Variants in ADAMTSL1 observed in about 807,000 individuals in gnomAD.
The protein encoded by ADAMTSL1 is ADAMTS-like protein 1.
Under a neutral mutation model 201.8 loss-of-function variants are expected in ADAMTSL1, and 126 were observed. The ratio of observed to expected loss-of-function variants is 0.62; its 90% CI spans 0.54 to 0.72. The LOEUF is 0.72. Ranked by LOEUF, ADAMTSL1 falls within the 30% of genes least tolerant of loss-of-function variation. The pLI is 0.00. For missense variants in ADAMTSL1, 2,679 were observed against 2,277.8 expected, an observed-to-expected ratio of 1.18 and a Z score of -3.59; for synonymous variants, 1,121 against 903.4, an observed-to-expected ratio of 1.24 and a Z score of -4.32.
At chr9:18,223,683 T>C (rs1652275776) in intron 2 of ADAMTSL1, among the ~76,000 whole-genome samples, 1 of 152,138 alleles carries the variant, frequency 6.6e-6, no homozygotes, top group African/African-American at 2.4e-5. Flanking sequence ...TGAACTATAT[T>C]AAATATATCT....
chr9:18,603,348 ATGCTAT>A (rs1264614929), intron 4 of ADAMTSL1, among the ~76,000 whole-genome samples: 3 of 49,466 alleles, frequency 6.1e-5, no homozygotes, highest in Non-Finnish European at 1.6e-4. Context: ...GCTATATGCT[ATGCTAT>A]GCTATGCTAT....
At chr9:18,721,696 A>G in intron 15 of ADAMTSL1, 31 bp downstream of exon 15, 3 of 1,611,140 alleles carry the variant, frequency 1.9e-6, no homozygotes, top group South Asian at 1.1e-5. Context: ...CCTGCTGTCC[A>G]GGGGCACGTA....
At chr9:18,276,773 C>G (rs1328204592) in intron 2 of ADAMTSL1, among the ~76,000 whole-genome samples, 3 of 152,128 alleles carry the variant, frequency 2.0e-5, no homozygotes, top group African/African-American at 7.2e-5. Flanking sequence ...CTGGCATGAA[C>G]TAATAAAGTG....
At chr9:18,557,606 A>G (rs779319448) in intron 3 of ADAMTSL1, among the ~76,000 whole-genome samples, 5 of 152,038 alleles carry the variant, frequency 3.3e-5, no homozygotes, top group Non-Finnish European at 7.4e-5. Flanking sequence ...GACAACCAAA[A>G]AGAAGTTAAG....
Position 17,957,189 on chromosome 9 carries a change from G to C in ADAMTSL1, c.87+50267G>C, listed in dbSNP as rs540484906. 1.3e-5 allele frequency among the ~76,000 whole-genome samples: 2 copies of C among 152,248 alleles called. 1 individual carries two copies. Among genetic ancestry groups the C allele is most frequent in the South Asian group, 4.1e-4 (2 of 4,820 alleles). On this transcript the variant is annotated intron_variant, in intron 1 of 29. Transcript: ENST00000680146. Reference sequence around the variant, plus strand: ...AACTTATTTTAAAGATCAATAAAATGTTCTAAAAGAACTCACAAACCCACG... The same window carrying C: ...AACTTATTTTAAAGATCAATAAAATCTTCTAAAAGAACTCACAAACCCACG...
chr9:18,343,202 G>A (rs1487654124), intron 2 of ADAMTSL1, among the ~76,000 whole-genome samples: 1 of 152,020 alleles, frequency 6.6e-6, no homozygotes. Flanking sequence ...CATCAACTGA[G>A]TGGTTAGTTT....
intron 28 of ADAMTSL1, 132 bp downstream of exon 28, chr9:18,907,044 G>C: frequency 1.0e-6 from 1 of 968,784 alleles, no homozygotes. Flanking sequence ...TGGTGGTGGA[G>C]TTGAGCATTT....
At chr9:18,572,318 A>G (rs1822377956) in intron 3 of ADAMTSL1, among the ~76,000 whole-genome samples, 1 of 152,182 alleles carries the variant, frequency 6.6e-6, no homozygotes, top group Non-Finnish European at 1.5e-5. Context: ...TACAAAATAA[A>G]CGTGTAAACA....
intron 1 of ADAMTSL1, among the ~76,000 whole-genome samples, chr9:17,931,615 T>C (rs550409094): frequency 1.3e-5 from 2 of 152,182 alleles, no homozygotes; most frequent in Non-Finnish European, 2.9e-5. Flanking sequence ...GTCTTTTTTT[T>C]CCTTTTGCAT....
chr9:18,184,123 T>C (rs1323324840), intron 2 of ADAMTSL1, among the ~76,000 whole-genome samples: 2 of 152,196 alleles, frequency 1.3e-5, no homozygotes, highest in African/African-American at 4.8e-5. Flanking sequence ...TCATTTTCTT[T>C]GAATGGATTC....
At chr9:18,528,863 C>T (rs1049409709) in intron 2 of ADAMTSL1, among the ~76,000 whole-genome samples, 6 of 152,012 alleles carry the variant, frequency 3.9e-5, no homozygotes, top group Non-Finnish European at 8.8e-5. Flanking sequence ...TATAGCTTTT[C>T]TCAGACGTCA....
rs541493091 is a variant in ADAMTSL1, at chr9:18,197,307, A to G, written c.207+33326A>G. On this transcript the variant is annotated intron_variant, in intron 2 of 29. Coordinates refer to the ADAMTSL1 transcript ENST00000680146. ...TTCACAAGACTGATTCTTCCAACCC[A>G]TGAGCATGGAATGTTCTTCCATTTG... 1.0e-3 allele frequency among the ~76,000 whole-genome samples: 152 copies of G among 152,220 alleles called. 1 individual carries two copies. The highest frequency in any genetic ancestry group is 3.3e-3 in the African/African-American group (139 of 41,548).
intron 2 of ADAMTSL1, among the ~76,000 whole-genome samples, chr9:18,454,060 G>A (rs527708158): frequency 8.5e-5 from 13 of 152,280 alleles, no homozygotes; most frequent in Non-Finnish European, 1.6e-4. Context: ...AGGGGAATTG[G>A]CTCATGTGAT....
At chr9:18,850,564 G>C (rs1826429693) in intron 23 of ADAMTSL1, among the ~76,000 whole-genome samples, 1 of 152,222 alleles carries the variant, frequency 6.6e-6, no homozygotes. Context: ...GTAGGAGACA[G>C]AGGACAGGGC....
chr9:18,908,681 C>T lies in ADAMTSL1; in HGVS notation c.*133C>T. 1.5e-6 allele frequency: 1 copy of T among 651,862 alleles called. No individual in the cohort carries two copies. The highest frequency in any genetic ancestry group is 2.6e-6 in the Non-Finnish European group (1 of 382,632). 40.4% of individuals were successfully genotyped at this position (651,862 alleles called of 1,614,324 possible). A position where few individuals can be genotyped will look rare whatever the true frequency, so the allele number is the denominator to read the frequency against. On this transcript the variant is annotated 3_prime_UTR_variant, in exon 29 of 29. Coordinates refer to ENST00000380548, the MANE Select transcript of ADAMTSL1 (RefSeq NM_001040272.6). The stretch of plus-strand genomic sequence containing the variant: ...CACTCCACACACACCCTTCCAACCT[C>T]CTCCACCTCCACCTTCAAGCATAAG...
At position 18,074,471 on chromosome 9, in the gene ADAMTSL1, G is replaced by GTTTTCTTTTCTTTTCTTTTCTTTTC. The variant is rs66552520; in HGVS notation, c.88-89373_88-89349dup. 1.2e-3 allele frequency among the ~76,000 whole-genome samples: 153 copies of GTTTTCTTTTCTTTTCTTTTCTTTTC among 126,930 alleles called. 1 individual carries two copies. In the South Asian group the frequency reaches 0.013, roughly 11 times the overall value. 83.3% of individuals were successfully genotyped at this position (126,930 alleles called of 152,430 possible). On this transcript the variant is annotated intron_variant, in intron 1 of 29. Transcript: ENST00000680146. ...AGATTTATTCATTTCACCACACTGT[G>GTTTTCTTTTCTTTTCTTTTCTTTTC]TTTTCTTTTCTTTTCTTTTCTTTTC...
intron 1 of ADAMTSL1, among the ~76,000 whole-genome samples, chr9:18,162,170 A>C (rs1827418774): frequency 6.6e-6 from 1 of 151,960 alleles, no homozygotes; most frequent in Non-Finnish European, 1.5e-5. Context: ...GTCCTCTTTC[A>C]AGCTTCCTTC....
intron 2 of ADAMTSL1, among the ~76,000 whole-genome samples, chr9:18,235,777 A>C (rs575414823): frequency 9.9e-5 from 15 of 152,178 alleles, no homozygotes; most frequent in Admixed American, 2.0e-4. Context: ...CATTGATCTT[A>C]GCAGAGCTCA....
intron 1 of ADAMTSL1, among the ~76,000 whole-genome samples, chr9:18,076,606 A>G (rs1364736693): frequency 6.6e-6 from 1 of 152,198 alleles, no homozygotes; most frequent in Non-Finnish European, 1.5e-5. Flanking sequence ...TGCTTTGAGC[A>G]TGTTCCATTC....
Sources: gnomAD v4.1 joint callset for allele counts (sites outside exome capture counted in the v4.1 genomes callset) on GRCh38, gnomAD v4.1.1 for gene constraint, MANE v1.5 for transcripts, NCBI Gene and HGNC (gene_info 2026-07-23, HGNC 2026-07-21) for gene names.